Variants in TRHDE observed in about 807,000 individuals in gnomAD.
The protein encoded by TRHDE is thyrotropin-releasing hormone-degrading ectoenzyme.
In TRHDE, 72 loss-of-function variants were observed where a neutral mutation model predicts 125.7. The observed-to-expected ratio is 0.57, with a 90% CI of 0.47 to 0.70. The LOEUF (loss-of-function observed/expected upper bound fraction) is 0.70, where lower values mean the gene tolerates loss of function less well. Among genes scored for constraint, TRHDE ranks in the 30% least tolerant of loss-of-function variants. The pLI is 0.00. For missense variants in TRHDE, 1,110 were observed against 1,327.1 expected, an observed-to-expected ratio of 0.84 and a Z score of 2.54; for synonymous variants, 509 against 509.1, an observed-to-expected ratio of 1.00 and a Z score of 0.00.
chr12:72,304,274 A>G (rs969919542), intron 2 of TRHDE, among the ~76,000 whole-genome samples: 1 of 152,144 alleles, frequency 6.6e-6, no homozygotes, highest in Non-Finnish European at 1.5e-5. Flanking sequence ...TTAGAATTAT[A>G]TTACTGTATA....
At position 72,286,891 on chromosome 12, in the gene TRHDE, T is replaced by A; in HGVS notation, c.1125T>A (p.Tyr375Ter). 2 of 1,614,018 alleles carry A rather than the reference T, an allele frequency of 1.2e-6. No homozygotes were observed. The highest frequency in any genetic ancestry group is 1.7e-6 in the Non-Finnish European group (2 of 1,179,972). ...HFSQTPLMST[Y>*]YLAWAICNFT... ...CACAGACCCCTCTCATGTCCACATA[T>A]TATTTAGCCTGGGCAATTTGCAACT... The change falls in exon 2 of 19, where the codon TAT (tyrosine) becomes TAA (stop). Residue 375 changes from tyrosine to a stop codon, truncating the protein, a stop_gained. Transcript: ENST00000261180. LOFTEE classifies it high-confidence loss of function.
chr12:72,454,995 C>T (rs1875772478), intron 3 of TRHDE, among the ~76,000 whole-genome samples: 2 of 152,140 alleles, frequency 1.3e-5, no homozygotes, highest in South Asian at 4.1e-4. Context: ...TAGGCTTCCC[C>T]AAACACTGAG....
intron 2 of TRHDE, among the ~76,000 whole-genome samples, chr12:72,243,465 T>A (rs1220999540): frequency 6.6e-6 from 1 of 152,208 alleles, no homozygotes; most frequent in African/African-American, 2.4e-5. Context: ...TACCAGATGT[T>A]GAAGAATTCA....
Position 72,291,402 on chromosome 12 carries a change from C to T in TRHDE, c.1188+4448C>T, listed in dbSNP as rs548571989. The stretch of plus-strand genomic sequence containing the variant: ...AGTTCCTTAATTATGGATGAATGGC[C>T]GCTCCCTGTGAACTGTTCACTTCGG... On this transcript the variant is annotated intron_variant, in intron 2 of 18. Transcript: ENST00000261180. Among the ~76,000 whole-genome samples the T allele has an allele frequency of 2.0e-4, 31 of 152,274 alleles. No homozygotes were observed. The East Asian group carries it at 5.8e-3, about 28-fold the overall frequency.
chr12:72,431,081 C>T (rs893280160), intron 3 of TRHDE, among the ~76,000 whole-genome samples: 7 of 152,066 alleles, frequency 4.6e-5, no homozygotes, highest in South Asian at 2.1e-4. Flanking sequence ...TATAGAAATA[C>T]AGCTTATTTT....
chr12:72,110,743 T>G (rs752568430), intron 2 of TRHDE, among the ~76,000 whole-genome samples: 1 of 152,110 alleles, frequency 6.6e-6, no homozygotes, highest in East Asian at 1.9e-4. Flanking sequence ...GGGTAGGAGA[T>G]TTTACATTGA....
At chr12:72,095,577 C>T (rs373754454) in intron 1 of TRHDE, among the ~76,000 whole-genome samples, 13 of 152,108 alleles carry the variant, frequency 8.5e-5, no homozygotes, top group African/African-American at 3.1e-4. Flanking sequence ...ACTCAGGTCC[C>T]CTCACTTTTG....
At chr12:72,563,982 T>C (rs17111392) in intron 9 of TRHDE, among the ~76,000 whole-genome samples, 10,501 of 152,238 alleles carry the variant, frequency 0.069, 433 homozygotes, top group Middle Eastern at 0.12. Flanking sequence ...TGCTTTGTCA[T>C]CTCTAAGAAG....
At chr12:72,139,312 AT>A (rs1269904008) in intron 2 of TRHDE, among the ~76,000 whole-genome samples, 5 of 152,120 alleles carry the variant, frequency 3.3e-5, no homozygotes, top group Non-Finnish European at 5.9e-5. Flanking sequence ...AAATTTAACA[AT>A]TTTTTTCAGA....
At chr12:72,400,942 A>G (rs1873016721) in intron 3 of TRHDE, among the ~76,000 whole-genome samples, 1 of 152,168 alleles carries the variant, frequency 6.6e-6, no homozygotes, top group Non-Finnish European at 1.5e-5. Context: ...TACAGTTAAG[A>G]TAAATGCACT....
intron 2 of TRHDE, chr12:72,263,062 T>A (rs1878987008): frequency 6.6e-6 from 1 of 152,018 alleles, no homozygotes; most frequent in South Asian, 2.1e-4. Flanking sequence ...TGTAACAGAG[T>A]AAAGGTAAAA....
At chr12:72,236,320 T>G (rs1196943887) in intron 2 of TRHDE, among the ~76,000 whole-genome samples, 4 of 152,224 alleles carry the variant, frequency 2.6e-5, no homozygotes, top group Admixed American at 2.6e-4. Context: ...AATACAATTA[T>G]AATGCTTGTT....
At chr12:72,494,998 T>A (rs1210954624) in intron 5 of TRHDE, among the ~76,000 whole-genome samples, 3 of 151,470 alleles carry the variant, frequency 2.0e-5, no homozygotes, top group Non-Finnish European at 4.4e-5. Context: ...GGATTTTTTT[T>A]AGCATATCCT....
At chr12:72,414,527 C>T (rs946358996) in intron 3 of TRHDE, among the ~76,000 whole-genome samples, 2 of 151,928 alleles carry the variant, frequency 1.3e-5, no homozygotes, top group African/African-American at 2.4e-5. Flanking sequence ...ACAACTCTGT[C>T]GAATTAAGAA....
chr12:72,408,886 A>C (rs1873377186), intron 3 of TRHDE, among the ~76,000 whole-genome samples: 1 of 152,186 alleles, frequency 6.6e-6, no homozygotes, highest in African/African-American at 2.4e-5. Flanking sequence ...TGGAGGGCAG[A>C]AAGAGAAAGT....
chr12:72,104,022 T>A (rs1036568819), intron 1 of TRHDE, among the ~76,000 whole-genome samples: 2 of 152,080 alleles, frequency 1.3e-5, no homozygotes, highest in African/African-American at 4.8e-5. Flanking sequence ...TGACCTCCAT[T>A]GTCTGGAGGA....
In TRHDE at chr12:72,473,087, G is replaced by A. The variant is rs374884856; in HGVS notation, c.1491G>A (p.Thr497=). ...ICHQWFGDLV[T]PVWWEDVWLK... ...TGCAGTGGTTTGGTGACCTTGTGAC[G>A]CCTGTGTGGTGGGAAGACGTGTGGC... Residue 497 remains threonine (T), a synonymous_variant, in exon 5 of 19, where the codon ACG becomes ACA. Transcript: ENST00000261180. The A allele has an allele frequency of 3.2e-5, 51 of 1,613,690 alleles. No individual in the cohort carries two copies. Among genetic ancestry groups the A allele is most frequent in the African/African-American group, 2.7e-4 (20 of 74,892 alleles).
At chr12:72,625,787 C>T (rs533266950) in intron 15 of TRHDE, among the ~76,000 whole-genome samples, 1 of 151,976 alleles carries the variant, frequency 6.6e-6, no homozygotes, top group East Asian at 1.9e-4. Flanking sequence ...ACCCAGCTTG[C>T]CTGCCCCCTA....
At chr12:72,149,878 G>T (rs147765431) in intron 2 of TRHDE, among the ~76,000 whole-genome samples, 1 of 152,008 alleles carries the variant, frequency 6.6e-6, no homozygotes, top group Non-Finnish European at 1.5e-5. Context: ...ATTATTCATG[G>T]TTGCAAAGAG....
Sources: gnomAD v4.1 joint callset for allele counts (sites outside exome capture counted in the v4.1 genomes callset) on GRCh38, gnomAD v4.1.1 for gene constraint, MANE v1.5 for transcripts, NCBI Gene and HGNC (gene_info 2026-07-23, HGNC 2026-07-21) for gene names.